Variants in ATP1A1 observed in about 807,000 individuals in gnomAD.
ATP1A1 encodes ATPase Na+/K+ transporting subunit alpha 1.
In ATP1A1, 14 loss-of-function variants were observed where a neutral mutation model predicts 114.8. The observed-to-expected ratio is 0.12, with a 90% CI of 0.08 to 0.19. The LOEUF (loss-of-function observed/expected upper bound fraction) is 0.19, where lower values mean the gene tolerates loss of function less well. Ranked by LOEUF, ATP1A1 falls within the 10% of genes least tolerant of loss-of-function variation. The pLI is 1.00. For synonymous variants in ATP1A1, 471 were observed against 466.3 expected, an observed-to-expected ratio of 1.01 and a Z score of -0.13; for missense variants, 524 against 1,290.7, an observed-to-expected ratio of 0.41 and a Z score of 9.10.
At chr1:116,375,129 A>T (rs1162649612) in intron 1 of ATP1A1, among the ~76,000 whole-genome samples, 2 of 152,176 alleles carry the variant, frequency 1.3e-5, no homozygotes, top group East Asian at 3.8e-4. Flanking sequence ...CCTGCCTTAA[A>T]AGAAAAAGAA....
At chr1:116,403,678 C>T (rs936868984) in intron 21 of ATP1A1, among the ~76,000 whole-genome samples, 5 of 152,228 alleles carry the variant, frequency 3.3e-5, no homozygotes, top group Non-Finnish European at 5.9e-5. Context: ...ATTTCCTCTG[C>T]GTCTCTAGGC....
At chr1:116,374,185 C>G (rs774764129) in intron 1 of ATP1A1, 1 of 1,550,422 alleles carries the variant, frequency 6.4e-7, no homozygotes. Flanking sequence ...GCGAAGCCGG[C>G]TGGGCGGGCT....
chr1:116,404,073 T>C lies in ATP1A1; in HGVS notation c.3043+98T>C. ...CCTCAAGGTGTCTAGGCTCCCTCAG[T>C]GGTCAGTCTGATTAGCTAAGGTGAC... On this transcript the variant is annotated intron_variant, in intron 22 of 22. Transcript: ENST00000295598. The surrounding 1 kb of genome is among the most constrained non-coding windows in gnomAD (Gnocchi z 4.8). The C allele has an allele frequency of 8.4e-7, 1 of 1,190,522 alleles. No homozygotes were observed. The highest frequency in any genetic ancestry group is 1.2e-6 in the Non-Finnish European group (1 of 827,230). The allele number at this position is 1,190,522 out of a possible 1,614,324, so 73.7% of individuals were successfully genotyped here.
In ATP1A1 at chr1:116,378,352, C is replaced by T. The variant is rs376730391; in HGVS notation, c.12+4829C>T. Among the ~76,000 whole-genome samples the T allele has an allele frequency of 4.6e-5, 7 of 152,348 alleles. No homozygotes were observed. In the East Asian group the frequency reaches 5.8e-4, roughly 13 times the overall value. On this transcript the variant is annotated intron_variant, in intron 1 of 22. Transcript: ENST00000295598. ...TGAGTTATGATGAAATATATCTGCA[C>T]GTGATCTCTTTCCAGTTTTATTCAA... is the stretch of plus-strand genomic sequence containing the variant.
chr1:116,401,406 T>C lies in ATP1A1; in HGVS notation c.2849+146T>C, dbSNP rs1359957164. On this transcript the variant is annotated intron_variant, in intron 20 of 22. Transcript: ENST00000295598. This position sits in a 1 kb window ranked among gnomAD's most constrained non-coding sequence, Gnocchi z 4.7. ...TAGAGCAAATTTAGGAAGCAAGAAA[T>C]GTAGCTTTCTAGTTTTTTCATCTGA... 1 of 1,479,922 alleles carries C rather than the reference T, an allele frequency of 6.8e-7. No homozygotes were observed. The allele number at this position is 1,479,922 out of a possible 1,614,324, so 91.7% of individuals were successfully genotyped here.
intron 18 of ATP1A1, 148 bp from the exon 19 acceptor site, chr1:116,400,712 AC>A: frequency 2.1e-6 from 2 of 945,762 alleles, no homozygotes; most frequent in Non-Finnish European, 3.1e-6. Context: ...CCTGTGAGTG[AC>A]CAGGCAATTC....
Position 116,373,290 on chromosome 1 carries a change from G to T in ATP1A1, c.-222G>T. ...GCGCAGAGCAGCGGCGGGAGGAGGC[G>T]GACACGTGGCAACAGCGGTAGCAGC... On this transcript the variant is annotated 5_prime_UTR_variant, in exon 1 of 23. Transcript: ENST00000295598. The T allele has an allele frequency of 2.5e-6, 1 of 405,980 alleles. No individual in the cohort carries two copies. Among genetic ancestry groups the T allele is most frequent in the South Asian group, 6.5e-5 (1 of 15,456 alleles). The allele number at this position is 405,980 out of a possible 1,614,324, so 25.1% of individuals were successfully genotyped here.
At chr1:116,402,400 C>T (rs1196408354) in intron 21 of ATP1A1, among the ~76,000 whole-genome samples, 1 of 152,208 alleles carries the variant, frequency 6.6e-6, no homozygotes, top group Non-Finnish European at 1.5e-5. Flanking sequence ...AAGCATTAGT[C>T]TCCTTTGAAT....
Position 116,393,042 on chromosome 1 carries a change from G to T in ATP1A1, c.1467+54G>T, listed in dbSNP as rs1652599133. On this transcript the variant is annotated intron_variant, in intron 11 of 22. Coordinates refer to ENST00000295598, the MANE Select transcript of ATP1A1 (RefSeq NM_000701.8). The surrounding 1 kb of genome is among the most constrained non-coding windows in gnomAD (Gnocchi z 5.0). ...CGAGGGCAAGCTGGGGGACAAAGAG[G>T]GGAGGTACATGAGCAGGAAGAGGAA... 6.2e-7 allele frequency: 1 copy of T among 1,602,632 alleles called. No individual in the cohort carries two copies. Among genetic ancestry groups the T allele is most frequent in the Non-Finnish European group, 8.5e-7 (1 of 1,173,758 alleles).
At chr1:116,375,143 A>G (rs770977301) in intron 1 of ATP1A1, among the ~76,000 whole-genome samples, 3 of 152,280 alleles carry the variant, frequency 2.0e-5, no homozygotes, top group Middle Eastern at 3.4e-3. Flanking sequence ...AAAAGAAAAA[A>G]GTTTACTTCC....
In ATP1A1 at chr1:116,389,479, T is replaced by C; in HGVS notation, c.795T>C (p.Thr265=). The change falls in exon 8 of 23, where the codon ACT becomes ACC. Residue 265 remains threonine, a synonymous_variant. Transcript: ENST00000295598. This position sits in a 1 kb window ranked among gnomAD's most constrained non-coding sequence, Gnocchi z 6.9. ...RGIVVYTGDR[T]VMGRIATLAS... is the part of the protein sequence containing the mutation. ...TTGTTGTCTACACTGGGGATCGCAC[T>C]GTGATGGGAAGAATTGCCACACTTG... 1.2e-6 allele frequency: 2 copies of C among 1,614,236 alleles called. No individual in the cohort carries two copies. The highest frequency in any genetic ancestry group is 1.7e-6 in the Non-Finnish European group (2 of 1,180,050).
At chr1:116,373,721 A>G (rs1651149688) in intron 1 of ATP1A1, 198 bp downstream of exon 1, 3 of 656,970 alleles carry the variant, frequency 4.6e-6, no homozygotes, top group Non-Finnish European at 5.4e-6. Flanking sequence ...GGGCGGGGGA[A>G]GGGAGCGCCG....
In ATP1A1 at chr1:116,385,025, A is replaced by T. The variant is rs772866736; in HGVS notation, c.183+183A>T. The T allele has an allele frequency of 8.3e-6, 5 of 601,442 alleles. No homozygotes were observed. The South Asian group carries it at 1.0e-4, about 12-fold the overall frequency. 37.3% of individuals were successfully genotyped at this position (601,442 alleles called of 1,614,324 possible). ...ATATGCTACCGTTTCTTTTCCCTGAAACTTTTTGAAAGTAGATGTTATTTT... is the reference window on the plus strand; with the variant it reads ...ATATGCTACCGTTTCTTTTCCCTGATACTTTTTGAAAGTAGATGTTATTTT... On this transcript the variant is annotated intron_variant, in intron 3 of 22. Transcript: ENST00000295598. This position sits in a 1 kb window ranked among gnomAD's most constrained non-coding sequence, Gnocchi z 4.3.
rs991870907 is a variant in ATP1A1 at position 116,397,747 on chromosome 1, A to G, written c.1974-141A>G. On this transcript the variant is annotated intron_variant, in intron 14 of 22. Coordinates refer to ENST00000295598, the MANE Select transcript of ATP1A1 (RefSeq NM_000701.8). This position sits in a 1 kb window ranked among gnomAD's most constrained non-coding sequence, Gnocchi z 4.2. Reference sequence around the variant, plus strand: ...GTAACCTGTAAAGTACTGAACACTTAATAGCTTTTATGTGCTGGGGAAAAT... The same window carrying G: ...GTAACCTGTAAAGTACTGAACACTTGATAGCTTTTATGTGCTGGGGAAAAT... 1.9e-6 allele frequency: 2 copies of G among 1,049,760 alleles called. No individual in the cohort carries two copies. Among genetic ancestry groups the G allele is most frequent in the African/African-American group, 3.2e-5 (2 of 62,312 alleles). The allele number at this position is 1,049,760 out of a possible 1,614,324, so 65.0% of individuals were successfully genotyped here.
intron 1 of ATP1A1, among the ~76,000 whole-genome samples, chr1:116,383,798 G>A (rs1208219206): frequency 6.6e-6 from 1 of 152,164 alleles, no homozygotes; most frequent in Non-Finnish European, 1.5e-5. Flanking sequence ...TAATGCTCTT[G>A]GATGGAGAGA....
Position 116,379,367 on chromosome 1 carries a change from ACCT to A in ATP1A1, c.13-4642_13-4640del, listed in dbSNP as rs1184706383. Reference sequence around the variant, plus strand: ...GAAGGCATGGTGGCCCCTCAGGCTCACCTCCTCTGCAGAGAACTGCTGCTCCTG... The same window carrying A: ...GAAGGCATGGTGGCCCCTCAGGCTCACCTCTGCAGAGAACTGCTGCTCCTG... On this transcript the variant is annotated intron_variant, in intron 1 of 22. Transcript: ENST00000295598. 3.3e-5 allele frequency among the ~76,000 whole-genome samples: 5 copies of A among 152,226 alleles called. No individual in the cohort carries two copies. The East Asian group carries it at 7.7e-4, about 23-fold the overall frequency.
chr1:116,373,282 G>C lies in ATP1A1; in HGVS notation c.-230G>C. 1 of 401,222 alleles carries C rather than the reference G, an allele frequency of 2.5e-6. No homozygotes were observed. The highest frequency in any genetic ancestry group is 4.4e-6 in the Non-Finnish European group (1 of 227,546). The allele number at this position is 401,222 out of a possible 1,614,324, so 24.9% of individuals were successfully genotyped here. On this transcript the variant is annotated 5_prime_UTR_variant, in exon 1 of 23. Transcript: ENST00000295598. ...GGTCTGGGGCGCAGAGCAGCGGCGG[G>C]AGGAGGCGGACACGTGGCAACAGCG...
In ATP1A1 at chr1:116,393,854, A is replaced by G. The variant is rs1004457774; in HGVS notation, c.1660+131A>G. 5 of 892,226 alleles carry G rather than the reference A, an allele frequency of 5.6e-6. No individual in the cohort carries two copies. Among genetic ancestry groups the G allele is most frequent in the Middle Eastern group, 3.5e-4 (1 of 2,858 alleles). 55.3% of individuals were successfully genotyped at this position (892,226 alleles called of 1,614,324 possible). A position where few individuals can be genotyped will look rare whatever the true frequency, so the allele number is the denominator to read the frequency against. On this transcript the variant is annotated intron_variant, in intron 12 of 22. Transcript: ENST00000295598. The surrounding 1 kb of genome is among the most constrained non-coding windows in gnomAD (Gnocchi z 5.0). Reference sequence around the variant, plus strand: ...CCTTCCTCTACATCTTTTAGGGGCAATCCTCCTATTTGTTTATTTGCCCCC... The same window carrying G: ...CCTTCCTCTACATCTTTTAGGGGCAGTCCTCCTATTTGTTTATTTGCCCCC...
At chr1:116,386,909 C>T (rs1335883690) in intron 3 of ATP1A1, among the ~76,000 whole-genome samples, 2 of 152,098 alleles carry the variant, frequency 1.3e-5, no homozygotes, top group Non-Finnish European at 2.9e-5. Context: ...ACAGAAAACC[C>T]AAAGCTCTTA....
Sources: allele counts gnomAD v4.1 joint callset (sites outside exome capture counted in the v4.1 genomes callset), GRCh38; gene constraint gnomAD v4.1.1; non-coding constraint Gnocchi (gnomAD v3.1); transcripts MANE v1.5; gene names NCBI Gene and HGNC (gene_info 2026-07-23, HGNC 2026-07-21).